The following NEK1 variants were observed in gnomAD, a reference collection of about 807,000 sequenced individuals.
NEK1 encodes serine/threonine-protein kinase Nek1.
Under a neutral mutation model 182.1 loss-of-function variants are expected in NEK1, and 137 were observed. That is an observed-to-expected ratio of 0.75 (90% confidence interval 0.65 to 0.87). NEK1 has a LOEUF of 0.87. Ranked by LOEUF, NEK1 falls within the 40% of genes least tolerant of loss-of-function variation. The probability of loss-of-function intolerance (pLI) is 0.00; values close to 1 mark genes in which losing one functional copy is unlikely to be tolerated. For synonymous variants in NEK1, 513 were observed against 492.2 expected, an observed-to-expected ratio of 1.04 and a Z score of -0.56; for missense variants, 1,391 against 1,494.4, an observed-to-expected ratio of 0.93 and a Z score of 1.14.
intron 28 of NEK1, among the ~76,000 whole-genome samples, chr4:169,437,403 ATT>A (rs1738617137): frequency 6.6e-6 from 1 of 152,092 alleles, no homozygotes; most frequent in Non-Finnish European, 1.5e-5. Context: ...AATGAAGATA[ATT>A]TTTGGTCAGA....
At chr4:169,477,577 C>T in intron 24 of NEK1, 80 bp from the exon 25 acceptor site, 2 of 1,087,860 alleles carry the variant, frequency 1.8e-6, no homozygotes, top group Non-Finnish European at 2.6e-6. Flanking sequence ...ATCCTCGTTA[C>T]TTTTTGGTTT....
chr4:169,473,246 G>GAAAA (rs111395147), intron 26 of NEK1, among the ~76,000 whole-genome samples: 1 of 129,298 alleles, frequency 7.7e-6, no homozygotes, highest in Non-Finnish European at 1.7e-5. Flanking sequence ...AGCCTGTCTT[G>GAAAA]AAAAAAAAAA....
At chr4:169,541,669 G>C (rs1006825190) in intron 18 of NEK1, among the ~76,000 whole-genome samples, 3 of 152,106 alleles carry the variant, frequency 2.0e-5, no homozygotes, top group Non-Finnish European at 4.4e-5. Context: ...AGCGTGCAGA[G>C]AAAATGTCCT....
At chr4:169,530,235 G>T (rs1757465830) in intron 19 of NEK1, among the ~76,000 whole-genome samples, 1 of 152,186 alleles carries the variant, frequency 6.6e-6, no homozygotes, top group Non-Finnish European at 1.5e-5. Flanking sequence ...TATCATTACA[G>T]TGCAGGAAAG....
chr4:169,438,581 C>T (rs921547482), intron 27 of NEK1, among the ~76,000 whole-genome samples: 6 of 152,146 alleles, frequency 3.9e-5, no homozygotes, highest in Non-Finnish European at 7.4e-5. Flanking sequence ...CTAGTTACTT[C>T]TAATTGCTCT....
chr4:169,582,849 G>C, intron 10 of NEK1, among the ~76,000 whole-genome samples: 1 of 152,136 alleles, frequency 6.6e-6, no homozygotes. Flanking sequence ...GTGGCTAGTG[G>C]CTGCAATATT....
chr4:169,427,062 C>T (rs1264130382), intron 29 of NEK1, among the ~76,000 whole-genome samples: 1 of 151,950 alleles, frequency 6.6e-6, no homozygotes, highest in African/African-American at 2.4e-5. Context: ...TGGGAGTTAG[C>T]TTATAGGTAA....
chr4:169,466,910 G>T (rs1470272021), intron 26 of NEK1, among the ~76,000 whole-genome samples: 1 of 151,830 alleles, frequency 6.6e-6, no homozygotes, highest in Non-Finnish European at 1.5e-5. Context: ...GTAAGTACAG[G>T]TGACCCTCAA....
At chr4:169,494,410 C>T (rs1750746652) in intron 23 of NEK1, among the ~76,000 whole-genome samples, 1 of 152,142 alleles carries the variant, frequency 6.6e-6, no homozygotes, top group African/African-American at 2.4e-5. Context: ...ATCCATGCCC[C>T]TACAAAGGAC....
At chr4:169,545,654 T>G (rs1158150855) in intron 18 of NEK1, among the ~76,000 whole-genome samples, 1 of 149,294 alleles carries the variant, frequency 6.7e-6, no homozygotes, top group African/African-American at 2.5e-5. Flanking sequence ...TGAACTAGTT[T>G]ACAGTCCCAC....
chr4:169,557,375 T>C (rs770178598), intron 16 of NEK1, among the ~76,000 whole-genome samples: 2 of 148,938 alleles, frequency 1.3e-5, no homozygotes, highest in Non-Finnish European at 3.0e-5. Context: ...AGGGTAAAAG[T>C]AAATAAAAAC....
At chr4:169,494,942 G>A (rs947348324) in intron 23 of NEK1, among the ~76,000 whole-genome samples, 4 of 152,120 alleles carry the variant, frequency 2.6e-5, no homozygotes, top group East Asian at 1.9e-4. Flanking sequence ...TTGTGATGGC[G>A]TTGTTCTTTT....
intron 32 of NEK1, among the ~76,000 whole-genome samples, chr4:169,402,444 T>C (rs1731848046): frequency 6.6e-6 from 1 of 152,214 alleles, no homozygotes; most frequent in Non-Finnish European, 1.5e-5. Context: ...TATCTTTAGA[T>C]GCTTATTCTT....
chr4:169,422,442 G>C (rs1735650997), intron 31 of NEK1, among the ~76,000 whole-genome samples: 1 of 152,158 alleles, frequency 6.6e-6, no homozygotes, highest in Non-Finnish European at 1.5e-5. Context: ...TCAGTTCCTT[G>C]AAGAGTGAGG....
At chr4:169,455,316 T>C (rs2149479894) in intron 27 of NEK1, among the ~76,000 whole-genome samples, 1 of 151,136 alleles carries the variant, frequency 6.6e-6, no homozygotes, top group African/African-American at 2.4e-5. Context: ...CCCTAGAACT[T>C]GAAGCATAAT....
intron 18 of NEK1, among the ~76,000 whole-genome samples, chr4:169,540,681 C>T (rs981814353): frequency 1.3e-5 from 2 of 151,692 alleles, no homozygotes; most frequent in Non-Finnish European, 2.9e-5. Context: ...AAACACTGAC[C>T]CCGATTAAGG....
Position 169,581,505 on chromosome 4 carries a change from G to A in NEK1, c.808-603C>T, listed in dbSNP as rs1471998003. On this transcript the variant is annotated intron_variant, in intron 10 of 35. Coordinates refer to ENST00000507142, the MANE Select transcript of NEK1 (RefSeq NM_001199397.3). ...TCCTTATGTTGCTCAGGCTGGTCTCGAATGTATGGGATCAAGTGATTCTCC... is the reference window on the plus strand; with the variant it reads ...TCCTTATGTTGCTCAGGCTGGTCTCAAATGTATGGGATCAAGTGATTCTCC... 3.3e-5 allele frequency among the ~76,000 whole-genome samples: 5 copies of A among 152,202 alleles called. No homozygotes were observed. The South Asian group carries it at 1.0e-3, about 32-fold the overall frequency.
intron 19 of NEK1, among the ~76,000 whole-genome samples, chr4:169,536,131 C>G (rs1423616389): frequency 6.6e-6 from 1 of 151,478 alleles, no homozygotes; most frequent in Admixed American, 6.6e-5. Context: ...CCCATCTTTA[C>G]TAAAAAAATA....
chr4:169,395,967 A>T (rs940423323), intron 35 of NEK1, among the ~76,000 whole-genome samples: 2 of 152,238 alleles, frequency 1.3e-5, no homozygotes, highest in Non-Finnish European at 2.9e-5. Flanking sequence ...GACAGTCGGA[A>T]TTTAATTCAT....
Sources: gnomAD v4.1 joint callset for allele counts (sites outside exome capture counted in the v4.1 genomes callset) on GRCh38, gnomAD v4.1.1 for gene constraint, MANE v1.5 for transcripts, NCBI Gene and HGNC (gene_info 2026-07-23, HGNC 2026-07-21) for gene names.